DERL1: variants seen among roughly 807,000 people sequenced by gnomAD.
DERL1 encodes the protein derlin-1.
A neutral mutation model predicts 41.6 loss-of-function variants in DERL1; 24 were observed. The observed-to-expected ratio is 0.58, with a 90% CI of 0.42 to 0.81. The LOEUF (loss-of-function observed/expected upper bound fraction) is 0.81. DERL1 is among the 30% of genes least tolerant of loss of function. The probability of loss-of-function intolerance (pLI) is 0.00; values close to 1 mark genes in which losing one functional copy is unlikely to be tolerated. For missense variants in DERL1, 260 were observed against 314.3 expected (o/e 0.83, Z 1.31); for synonymous variants, 124 against 112.5 (o/e 1.10, Z -0.65).
chr8:123,020,871 T>G (rs1458507549), intron 6 of DERL1, among the ~76,000 whole-genome samples: 1 of 137,910 alleles, frequency 7.3e-6, no homozygotes, highest in African/African-American at 2.7e-5. Context: ...GAGGCTGAGG[T>G]AGGAGAATTG....
Position 123,042,127 on chromosome 8 carries a change from G to A in DERL1, c.-5C>T, listed in dbSNP as rs1195006283. The A allele has an allele frequency of 6.2e-7, 1 of 1,603,716 alleles. No homozygotes were observed. Among genetic ancestry groups the A allele is most frequent in the Non-Finnish European group, 8.5e-7 (1 of 1,173,222 alleles). On this transcript the variant is annotated 5_prime_UTR_variant, in exon 1 of 8. Coordinates refer to ENST00000259512, the MANE Select transcript of DERL1 (RefSeq NM_024295.6). ...CCAGTCTCCGATGTCCGACATCTTC[G>A]ACCCACAGGTAGCCAAGATGCACAA...
Position 123,017,618 on chromosome 8 carries a change from A to C in DERL1, c.617+1577T>G, listed in dbSNP as rs960898500. 2.0e-5 allele frequency: 3 copies of C among 152,226 alleles called. No homozygotes were observed. In the South Asian group the frequency reaches 6.2e-4, roughly 32 times the overall value. 9.4% of individuals were successfully genotyped at this position (152,226 alleles called of 1,614,324 possible). A position where few individuals can be genotyped will look rare whatever the true frequency, so the allele number is the denominator to read the frequency against. On this transcript the variant is annotated intron_variant, in intron 7 of 7. Coordinates refer to ENST00000259512, the MANE Select transcript of DERL1 (RefSeq NM_024295.6). ...TGATCTTTATGCAAAATTTAGCAGA[A>C]GGACTTCCCCCAACAGAGAAAGTTC...
At chr8:123,030,578 T>C (rs1193429490) in intron 2 of DERL1, 27 bp downstream of exon 2, 21 of 1,472,574 alleles carry the variant, frequency 1.4e-5, no homozygotes, top group Admixed American at 4.0e-5. Flanking sequence ...AAAGAAACAA[T>C]GCTTAAAACA....
chr8:123,038,506 A>G (rs1289675134), intron 1 of DERL1, among the ~76,000 whole-genome samples: 1 of 152,222 alleles, frequency 6.6e-6, no homozygotes, highest in Non-Finnish European at 1.5e-5. Flanking sequence ...TACAGGGAAG[A>G]TGACAAAATT....
chr8:123,035,998 CT>C (rs1812919834), intron 1 of DERL1, among the ~76,000 whole-genome samples: 1 of 151,956 alleles, frequency 6.6e-6, no homozygotes. Flanking sequence ...AAACTGTGGC[CT>C]TTTTTGCTGG....
At position 123,021,993 on chromosome 8, in the gene DERL1, C is replaced by T. The variant is rs185753222; in HGVS notation, c.454-494G>A. On this transcript the variant is annotated intron_variant, in intron 5 of 7. Transcript: ENST00000259512. ...ACTAATACTCTCCCAAATAAGAAAGCTCTCCAGATGAACTCAACATTTGAG... is the reference window on the plus strand; with the variant it reads ...ACTAATACTCTCCCAAATAAGAAAGTTCTCCAGATGAACTCAACATTTGAG... 3.1e-3 allele frequency among the ~76,000 whole-genome samples: 478 copies of T among 152,312 alleles called. 3 individuals are homozygous for T. The highest frequency in any genetic ancestry group is 4.8e-3 in the Non-Finnish European group (328 of 68,030).
At chr8:123,022,186 C>T (rs1416819835) in intron 5 of DERL1, among the ~76,000 whole-genome samples, 1 of 152,152 alleles carries the variant, frequency 6.6e-6, no homozygotes, top group Non-Finnish European at 1.5e-5. Context: ...TAATTCTAGG[C>T]AGGAGATTCA....
chr8:123,018,919 G>A (rs919733577), intron 7 of DERL1: 28 of 423,116 alleles, frequency 6.6e-5, no homozygotes, highest in Middle Eastern at 6.8e-4. Flanking sequence ...GTTGCATCAG[G>A]TCCCTCAGCA....
rs181384899 is a variant in DERL1, at chr8:123,033,573, G to A, written c.154-2857C>T. On this transcript the variant is annotated intron_variant, in intron 1 of 7. Transcript: ENST00000259512. ...AGGCTGACCAAGGTGGAGAAACCTT[G>A]TCTCTACTAAAAACACAAAATTAGC... Among the ~76,000 whole-genome samples, 8 of 152,146 alleles carry A rather than the reference G, an allele frequency of 5.3e-5. No individual in the cohort carries two copies. In the East Asian group the frequency reaches 1.6e-3, roughly 30 times the overall value.
intron 5 of DERL1, 135 bp downstream of exon 5, chr8:123,022,549 G>T: frequency 1.3e-6 from 1 of 742,826 alleles, no homozygotes; most frequent in Non-Finnish European, 2.3e-6. Context: ...GATTGAGGAG[G>T]GCAGAAAGGG....
intron 6 of DERL1, among the ~76,000 whole-genome samples, chr8:123,020,312 T>C (rs928939343): frequency 1.3e-5 from 2 of 151,636 alleles, no homozygotes; most frequent in African/African-American, 4.8e-5. Context: ...AAACCTCATC[T>C]CTACAAAAAA....
At position 123,015,383 on chromosome 8, in the gene DERL1, T is replaced by C. The variant is rs1814532314; in HGVS notation, c.*64A>G. The C allele has an allele frequency of 1.3e-6, 2 of 1,580,656 alleles. No individual in the cohort carries two copies. The highest frequency in any genetic ancestry group is 8.6e-7 in the Non-Finnish European group (1 of 1,161,750). ...AACAGTGTTAGCCAGAACGCAGTTG[T>C]TAAGTGCACCCAGCACTGGGAGGAA... On this transcript the variant is annotated 3_prime_UTR_variant, in exon 8 of 8. Transcript: ENST00000259512.
intron 1 of DERL1, among the ~76,000 whole-genome samples, chr8:123,033,635 C>T (rs931961938): frequency 2.4e-4 from 36 of 152,174 alleles, no homozygotes; most frequent in African/African-American, 7.5e-4. Flanking sequence ...CCCAGCTACT[C>T]GGGAGGCTGA....
rs926543422 is a variant in DERL1, at chr8:123,042,179, C to G, written c.-57G>C. 2.0e-6 allele frequency: 3 copies of G among 1,516,808 alleles called. No homozygotes were observed. The African/African-American group carries it at 4.2e-5, about 21-fold the overall frequency. 94.0% of individuals were successfully genotyped at this position (1,516,808 alleles called of 1,614,324 possible). ...ACCGCCCGACTCCCCGTGCCGACCCCCTCACGACGCGGCCGGCTCCGCGAC... is the reference window on the plus strand; with the variant it reads ...ACCGCCCGACTCCCCGTGCCGACCCGCTCACGACGCGGCCGGCTCCGCGAC... On this transcript the variant is annotated 5_prime_UTR_variant, in exon 1 of 8. Transcript: ENST00000259512.
intron 2 of DERL1, among the ~76,000 whole-genome samples, chr8:123,026,656 C>T (rs561392141): frequency 4.5e-4 from 69 of 152,216 alleles, no homozygotes; most frequent in African/African-American, 1.6e-3. Context: ...TTTTGGGACA[C>T]GTCACCACCA....
chr8:123,023,323 C>T (rs1317696227), intron 4 of DERL1, among the ~76,000 whole-genome samples: 3 of 152,060 alleles, frequency 2.0e-5, no homozygotes, highest in Non-Finnish European at 2.9e-5. Context: ...TTTGGGAGGC[C>T]GAGGCAGGCG....
Position 123,013,740 on chromosome 8 carries a change from A to C in DERL1, c.*1707T>G, listed in dbSNP as rs543149053. ...ATTCTTATACATACAATGAGTCTCC[A>C]CGCCTGTACAATGAGTGTACGTGCA... On this transcript the variant is annotated 3_prime_UTR_variant, in exon 8 of 8. Coordinates refer to ENST00000259512, the MANE Select transcript of DERL1 (RefSeq NM_024295.6). 5 of 152,350 alleles carry C rather than the reference A, an allele frequency of 3.3e-5. No homozygotes were observed. Among genetic ancestry groups the C allele is most frequent in the Non-Finnish European group, 5.9e-5 (4 of 68,032 alleles). The allele number at this position is 152,350 out of a possible 1,614,324, so 9.4% of individuals were successfully genotyped here. A position where few individuals can be genotyped will look rare whatever the true frequency, so the allele number is the denominator to read the frequency against.
chr8:123,030,695 T>C lies in DERL1; in HGVS notation c.175A>G (p.Thr59Ala), dbSNP rs755243736. ...RFQIWRPITA[T>A]FYFPVGPGTG... ...CCTGGACCCACAGGGAAATAAAAGG[T>C]GGCAGTGATTGGCCTCCAAATCTGT... The change falls in exon 2 of 8, where the codon ACC becomes GCC. Residue 59 changes from threonine to alanine, a missense_variant. By Grantham distance (58) the Thr-to-Ala change is moderately conservative. Transcript: ENST00000259512. 6.2e-7 allele frequency: 1 copy of C among 1,612,196 alleles called. No homozygotes were observed.
intron 3 of DERL1, 68 bp downstream of exon 3, chr8:123,024,917 TG>T: frequency 1.3e-6 from 2 of 1,483,260 alleles, no homozygotes; most frequent in South Asian, 1.2e-5. Context: ...TTACAGAATA[TG>T]GTCTATTTCC....
Sources: gnomAD v4.1 joint callset for allele counts (sites outside exome capture counted in the v4.1 genomes callset) on GRCh38, gnomAD v4.1.1 for gene constraint, MANE v1.5 for transcripts, NCBI Gene and HGNC (gene_info 2026-07-23, HGNC 2026-07-21) for gene names.